The following PID1 variants were observed in gnomAD, a reference collection of about 807,000 sequenced individuals.
The protein encoded by PID1 is PTB-containing, cubilin and LRP1-interacting protein.
Under a neutral mutation model 19.1 loss-of-function variants are expected in PID1, and 10 were observed. The ratio of observed to expected loss-of-function variants is 0.52; its 90% confidence interval spans 0.32 to 0.89. The LOEUF (loss-of-function observed/expected upper bound fraction) is 0.89. Among genes scored for constraint, PID1 ranks in the 40% least tolerant of loss-of-function variants. The probability of loss-of-function intolerance (pLI) is 0.03; values close to 1 mark genes in which losing one functional copy is unlikely to be tolerated. For synonymous variants in PID1, 130 were observed against 116.0 expected (o/e 1.12, Z -0.78); for missense variants, 248 against 285.3 (o/e 0.87, Z 0.94).
Position 229,217,322 on chromosome 2 carries a change from G to T in PID1, c.30+53692C>A, listed in dbSNP as rs190440852. Among the ~76,000 whole-genome samples, 166 of 152,286 alleles carry T rather than the reference G, an allele frequency of 1.1e-3. 1 individual carries two copies. The highest frequency in any genetic ancestry group is 3.6e-3 in the African/African-American group (150 of 41,562). ...TTAAAATATGAAGCTCAGCTGCTTAGGATTTGCTTTGTTTACTTTGCTTTA... is the reference window on the plus strand; with the variant it reads ...TTAAAATATGAAGCTCAGCTGCTTATGATTTGCTTTGTTTACTTTGCTTTA... On this transcript the variant is annotated intron_variant, in intron 1 of 2. Coordinates refer to ENST00000392055, the MANE Select transcript of PID1 (RefSeq NM_001100818.2).
chr2:229,118,454 T>G (rs1238033439), intron 2 of PID1, among the ~76,000 whole-genome samples: 2 of 152,210 alleles, frequency 1.3e-5, no homozygotes, highest in East Asian at 3.9e-4. Context: ...GAAAACATCC[T>G]GGCTCTGCCA....
At chr2:229,057,655 C>G (rs911648678) in intron 2 of PID1, among the ~76,000 whole-genome samples, 1 of 152,032 alleles carries the variant, frequency 6.6e-6, no homozygotes, top group Non-Finnish European at 1.5e-5. Context: ...AGAAATATCA[C>G]CAACATAGGA....
intron 2 of PID1, among the ~76,000 whole-genome samples, chr2:229,038,788 G>T (rs540284447): frequency 2.0e-5 from 3 of 152,262 alleles, no homozygotes; most frequent in South Asian, 2.1e-4. Flanking sequence ...GGCAGAAAGG[G>T]AGGTAACCCT....
At chr2:229,261,637 T>C (rs1024273303) in intron 1 of PID1, among the ~76,000 whole-genome samples, 3 of 152,208 alleles carry the variant, frequency 2.0e-5, no homozygotes, top group Admixed American at 6.5e-5. Flanking sequence ...TGCAGCTCCT[T>C]TCCCCTGGTA....
rs549231240 is a variant in PID1 at position 229,243,899 on chromosome 2, T to C, written c.30+27115A>G. 2.6e-5 allele frequency among the ~76,000 whole-genome samples: 4 copies of C among 152,270 alleles called. No homozygotes were observed. In the South Asian group the frequency reaches 8.3e-4, roughly 31 times the overall value. ...TTTCCTAGCTCATACATTTTTGTTA[T>C]AATGCTTTCTTTTCAGATCATCTAA... On this transcript the variant is annotated intron_variant, in intron 1 of 2. Transcript: ENST00000392055.
intron 2 of PID1, among the ~76,000 whole-genome samples, chr2:229,134,593 T>C (rs987236720): frequency 3.3e-5 from 5 of 152,090 alleles, no homozygotes; most frequent in African/African-American, 1.2e-4. Flanking sequence ...TTGAAAAATG[T>C]TGAAGCTAAA....
chr2:229,035,494 C>T (rs953019486), intron 2 of PID1, among the ~76,000 whole-genome samples: 3 of 136,200 alleles, frequency 2.2e-5, no homozygotes, highest in Non-Finnish European at 3.1e-5. Flanking sequence ...ATAAATGGGG[C>T]CAATCATTTA....
chr2:229,114,898 C>T (rs949862320), intron 2 of PID1, among the ~76,000 whole-genome samples: 2 of 152,122 alleles, frequency 1.3e-5, no homozygotes, highest in African/African-American at 4.8e-5. Context: ...ACTATCCTGA[C>T]TCTTAGTCAA....
intron 2 of PID1, among the ~76,000 whole-genome samples, chr2:229,088,708 G>A (rs1258971600): frequency 6.6e-6 from 1 of 151,908 alleles, no homozygotes; most frequent in Non-Finnish European, 1.5e-5. Flanking sequence ...ACTTCCAGTT[G>A]TGTCTCATTG....
intron 2 of PID1, among the ~76,000 whole-genome samples, chr2:229,075,465 G>GA (rs747628988): frequency 3.9e-5 from 6 of 152,052 alleles, no homozygotes; most frequent in Middle Eastern, 3.4e-3. Flanking sequence ...TACTTTTATA[G>GA]AAAAAAACAA....
At chr2:229,224,242 T>C (rs1276997774) in intron 1 of PID1, among the ~76,000 whole-genome samples, 2 of 152,200 alleles carry the variant, frequency 1.3e-5, no homozygotes, top group East Asian at 3.9e-4. Flanking sequence ...GGAATGTAAA[T>C]TAGTTCAGCC....
intron 2 of PID1, among the ~76,000 whole-genome samples, chr2:229,133,377 C>A (rs761260937): frequency 2.0e-5 from 3 of 152,244 alleles, no homozygotes; most frequent in Admixed American, 6.5e-5. Context: ...CCAGAACTCT[C>A]TTCATTCCCT....
At chr2:229,033,979 G>T (rs991308437) in intron 2 of PID1, among the ~76,000 whole-genome samples, 3 of 152,160 alleles carry the variant, frequency 2.0e-5, no homozygotes, top group African/African-American at 4.8e-5. Flanking sequence ...CTCCTTTCTT[G>T]CTGGCCACAG....
At chr2:229,108,618 A>G (rs1409497557) in intron 2 of PID1, among the ~76,000 whole-genome samples, 3 of 152,232 alleles carry the variant, frequency 2.0e-5, no homozygotes, top group Admixed American at 6.5e-5. Flanking sequence ...GTAGAAAAAG[A>G]CAGTCTAGGC....
intron 2 of PID1, among the ~76,000 whole-genome samples, chr2:229,080,717 A>G (rs1245367470): frequency 1.3e-5 from 2 of 152,208 alleles, no homozygotes; most frequent in African/African-American, 4.8e-5. Context: ...CTCAATAAAT[A>G]TTTATTAAAT....
intron 2 of PID1, among the ~76,000 whole-genome samples, chr2:229,080,972 A>G (rs13020025): frequency 0.2 from 30,423 of 152,158 alleles, 3,947 homozygotes; most frequent in East Asian, 0.55. Context: ...TCAAACTGGA[A>G]CCACCCTTGT....
intron 1 of PID1, among the ~76,000 whole-genome samples, chr2:229,185,515 A>G (rs1691110162): frequency 6.6e-6 from 1 of 152,200 alleles, no homozygotes. Context: ...ACAGTTATAC[A>G]TGGCTGGGGA....
At chr2:229,089,876 A>AAT (rs1694837423) in intron 2 of PID1, among the ~76,000 whole-genome samples, 1 of 152,210 alleles carries the variant, frequency 6.6e-6, no homozygotes, top group Non-Finnish European at 1.5e-5. Context: ...ATAGTAGATA[A>AAT]ATGAGGCCAG....
intron 1 of PID1, among the ~76,000 whole-genome samples, chr2:229,220,542 G>A (rs1250672580): frequency 6.6e-6 from 1 of 152,116 alleles, no homozygotes; most frequent in African/African-American, 2.4e-5. Flanking sequence ...TGAACCACGG[G>A]TAGGAACTCC....
Sources: allele counts gnomAD v4.1 joint callset (sites outside exome capture counted in the v4.1 genomes callset), GRCh38; gene constraint gnomAD v4.1.1; transcripts MANE v1.5; gene names NCBI Gene and HGNC (gene_info 2026-07-23, HGNC 2026-07-21).